The following CDH18 variants were observed in gnomAD, a reference collection of about 807,000 sequenced individuals.
The protein encoded by CDH18 is cadherin 18, also known as cadherin-18.
Under a neutral mutation model 67.9 loss-of-function variants are expected in CDH18, and 31 were observed. The observed-to-expected ratio is 0.46, with a 90% CI of 0.34 to 0.62. The LOEUF is 0.62. Ranked by LOEUF, CDH18 falls within the 20% of genes least tolerant of loss-of-function variation. The probability of loss-of-function intolerance (pLI) is 0.01; values close to 1 mark genes in which losing one functional copy is unlikely to be tolerated. For synonymous variants in CDH18, 362 were observed against 347.2 expected, an observed-to-expected ratio of 1.04 and a Z score of -0.48; for missense variants, 890 against 975.5, an observed-to-expected ratio of 0.91 and a Z score of 1.17.
chr5:20,157,927 A>C (rs1281298208), intron 2 of CDH18, among the ~76,000 whole-genome samples: 1 of 152,132 alleles, frequency 6.6e-6, no homozygotes, highest in Non-Finnish European at 1.5e-5. Flanking sequence ...GGCATGTGCC[A>C]ACCCAATTCT....
intron 2 of CDH18, among the ~76,000 whole-genome samples, chr5:20,075,122 T>C (rs1743812220): frequency 6.6e-6 from 1 of 152,150 alleles, no homozygotes; most frequent in Non-Finnish European, 1.5e-5. Flanking sequence ...TTCGGATGTA[T>C]GTGGGTCAAA....
chr5:20,132,628 T>A (rs1159768632), intron 2 of CDH18, among the ~76,000 whole-genome samples: 1 of 152,162 alleles, frequency 6.6e-6, no homozygotes, highest in Non-Finnish European at 1.5e-5. Context: ...GCGTATAAAT[T>A]ATTTCTCATT....
At chr5:19,702,077 G>A (rs1288644965) in intron 5 of CDH18, among the ~76,000 whole-genome samples, 2 of 150,806 alleles carry the variant, frequency 1.3e-5, no homozygotes, top group Admixed American at 1.3e-4. Flanking sequence ...ATCCACCACG[G>A]TGCACTCAGT....
chr5:20,074,735 T>G lies in CDH18; in HGVS notation c.-517-82721A>C, dbSNP rs558507036. ...GTACTTTTAATACAATAGTTTGGGG[T>G]TTTTTTTTTTGCATCATTAAGGTTG... On this transcript the variant is annotated intron_variant, in intron 2 of 14. Coordinates refer to the CDH18 transcript ENST00000507958. Among the ~76,000 whole-genome samples, 13 of 17,484 alleles carry G rather than the reference T, an allele frequency of 7.4e-4. No homozygotes were observed. The East Asian group carries it at 0.011, about 15-fold the overall frequency. The allele number at this position is 17,484 out of a possible 152,430, so 11.5% of individuals were successfully genotyped here.
At chr5:20,300,292 T>TTGTGTGTGCG (rs1469171406) in intron 1 of CDH18, among the ~76,000 whole-genome samples, 32 of 106,740 alleles carry the variant, frequency 3.0e-4, no homozygotes, top group African/African-American at 8.4e-4. Flanking sequence ...ATAGATTAAG[T>TTGTGTGTGCG]TGTGTGTGTG....
intron 1 of CDH18, among the ~76,000 whole-genome samples, chr5:20,335,175 T>C (rs1739608460): frequency 6.6e-6 from 1 of 152,084 alleles, no homozygotes; most frequent in Non-Finnish European, 1.5e-5. Context: ...TCCTGCTTGA[T>C]GCTTCATCAC....
chr5:19,998,224 A>G (rs2150396957), intron 2 of CDH18, among the ~76,000 whole-genome samples: 1 of 152,326 alleles, frequency 6.6e-6, no homozygotes, highest in South Asian at 2.1e-4. Context: ...AGAATAATCT[A>G]GAATGTTATT....
chr5:19,994,855 T>TATATATATAGAGAGAGAGAG (rs760777430), intron 2 of CDH18, among the ~76,000 whole-genome samples: 5 of 67,584 alleles, frequency 7.4e-5, no homozygotes, highest in African/African-American at 3.7e-4. Context: ...TATATATATA[T>TATATATATAGAGAGAGAGAG]AGAGAGAGAG....
intron 1 of CDH18, among the ~76,000 whole-genome samples, chr5:20,479,735 A>G (rs1394343772): frequency 1.3e-5 from 2 of 152,174 alleles, no homozygotes; most frequent in Non-Finnish European, 2.9e-5. Flanking sequence ...TCAGAGGAAT[A>G]GTAACAAAGA....
chr5:19,923,048 A>G (rs374751498), intron 2 of CDH18, among the ~76,000 whole-genome samples: 23 of 152,160 alleles, frequency 1.5e-4, no homozygotes, highest in African/African-American at 5.5e-4. Context: ...GGTCAGACCT[A>G]TGATTTCTTC....
At chr5:19,784,461 T>C (rs573406115) in intron 3 of CDH18, among the ~76,000 whole-genome samples, 1 of 152,320 alleles carries the variant, frequency 6.6e-6, no homozygotes, top group Admixed American at 6.5e-5. Flanking sequence ...GACTATTATA[T>C]AACATTCTAT....
At chr5:19,934,972 T>C (rs1170137487) in intron 2 of CDH18, among the ~76,000 whole-genome samples, 2 of 151,340 alleles carry the variant, frequency 1.3e-5, no homozygotes, top group Non-Finnish European at 3.0e-5. Context: ...TCCTTATGTA[T>C]AAGGAGGTTT....
intron 5 of CDH18, among the ~76,000 whole-genome samples, chr5:19,613,351 G>C (rs759782312): frequency 6.6e-6 from 1 of 152,086 alleles, no homozygotes; most frequent in Non-Finnish European, 1.5e-5. Flanking sequence ...TTTAATGATG[G>C]AAAACATTTG....
At chr5:20,375,722 T>A (rs760434806) in intron 1 of CDH18, among the ~76,000 whole-genome samples, 1 of 152,162 alleles carries the variant, frequency 6.6e-6, no homozygotes, top group Admixed American at 6.5e-5. Context: ...TACAAATTAA[T>A]TGTGCTCAAT....
intron 2 of CDH18, among the ~76,000 whole-genome samples, chr5:20,006,611 T>A (rs1032061434): frequency 6.6e-6 from 1 of 151,992 alleles, no homozygotes; most frequent in African/African-American, 2.4e-5. Flanking sequence ...TCTCCCTGTT[T>A]CCATATATTC....
intron 2 of CDH18, among the ~76,000 whole-genome samples, chr5:19,894,497 A>G (rs1344287463): frequency 1.3e-5 from 2 of 152,068 alleles, no homozygotes; most frequent in Non-Finnish European, 1.5e-5. Flanking sequence ...CTACCTAAAA[A>G]AAAATATTTC....
intron 2 of CDH18, among the ~76,000 whole-genome samples, chr5:20,142,409 G>T (rs1036992738): frequency 1.4e-4 from 21 of 151,616 alleles, no homozygotes; most frequent in African/African-American, 5.1e-4. Context: ...ACGAAACTCC[G>T]TCTCTACTGA....
At chr5:20,281,429 T>C (rs1746263449) in intron 1 of CDH18, among the ~76,000 whole-genome samples, 1 of 152,208 alleles carries the variant, frequency 6.6e-6, no homozygotes. Flanking sequence ...TACATATGGC[T>C]AGCCAGTTTT....
At chr5:20,507,311 A>G (rs1754718916) in intron 1 of CDH18, among the ~76,000 whole-genome samples, 1 of 152,210 alleles carries the variant, frequency 6.6e-6, no homozygotes, top group Admixed American at 6.5e-5. Flanking sequence ...ATCAGAGACA[A>G]TGTGTACATC....
Sources: gnomAD v4.1 joint callset for allele counts (sites outside exome capture counted in the v4.1 genomes callset) on GRCh38, gnomAD v4.1.1 for gene constraint, MANE v1.5 for transcripts, NCBI Gene and HGNC (gene_info 2026-07-23, HGNC 2026-07-21) for gene names.